The following SLC44A1 variants were observed in gnomAD, a reference collection of about 807,000 sequenced individuals.
SLC44A1 encodes solute carrier family 44 member 1.
SLC44A1 carries 26 observed loss-of-function variants against 79.3 expected under a neutral mutation model. That is an observed-to-expected ratio of 0.33 (90% CI 0.24 to 0.46). The LOEUF (loss-of-function observed/expected upper bound fraction) is 0.46, where lower values mean the gene tolerates loss of function less well. Ranked by LOEUF, SLC44A1 falls within the 20% of genes least tolerant of loss-of-function variation. SLC44A1 has a pLI of 1.00. For missense variants in SLC44A1, 688 were observed against 798.1 expected, an observed-to-expected ratio of 0.86 and a Z score of 1.66; for synonymous variants, 263 against 286.2, an observed-to-expected ratio of 0.92 and a Z score of 0.82.
intron 2 of SLC44A1, among the ~76,000 whole-genome samples, chr9:105,305,961 A>C (rs932343384): frequency 1.2e-4 from 18 of 151,574 alleles, no homozygotes; most frequent in African/African-American, 4.4e-4. Context: ...ATTAATGAGT[A>C]AATTGTCTTT....
At chr9:105,357,390 A>C (rs1300864021) in intron 6 of SLC44A1, 2 of 152,192 alleles carry the variant, frequency 1.3e-5, no homozygotes, top group African/African-American at 4.8e-5. Context: ...TAAAACTTTA[A>C]CCAAAAACTA....
downstream of SLC44A1, among the ~76,000 whole-genome samples, chr9:105,397,523 A>G (rs1828898864): frequency 6.6e-6 from 1 of 152,166 alleles, no homozygotes; most frequent in Admixed American, 6.5e-5. Context: ...TAGCAACTAT[A>G]AATGTACCTA....
chr9:105,335,538 C>T, intron 3 of SLC44A1, 25 bp from the exon 4 acceptor site: 1 of 1,595,118 alleles, frequency 6.3e-7, no homozygotes, highest in Non-Finnish European at 8.6e-7. Flanking sequence ...GAAGTAATAT[C>T]TCAGTTTTTT....
At chr9:105,330,116 C>G (rs1826704164) in intron 3 of SLC44A1, among the ~76,000 whole-genome samples, 1 of 152,152 alleles carries the variant, frequency 6.6e-6, no homozygotes, top group Non-Finnish European at 1.5e-5. Flanking sequence ...TTTTCTTATC[C>G]TATTTAATTC....
chr9:105,252,306 C>T (rs1268958384), intron 1 of SLC44A1, among the ~76,000 whole-genome samples: 1 of 152,136 alleles, frequency 6.6e-6, no homozygotes, highest in Non-Finnish European at 1.5e-5. Context: ...TGTTTATTGC[C>T]ATCTTGGTGC....
intron 1 of SLC44A1, among the ~76,000 whole-genome samples, chr9:105,253,534 C>T (rs534580754): frequency 2.0e-5 from 3 of 152,184 alleles, no homozygotes; most frequent in Admixed American, 1.3e-4. Flanking sequence ...TCTAGACCAT[C>T]CTGGGCAATA....
At chr9:105,328,489 G>A (rs76272512) in intron 3 of SLC44A1, among the ~76,000 whole-genome samples, 2,479 of 152,298 alleles carry the variant, frequency 0.016, 65 homozygotes, top group African/African-American at 0.057. Context: ...CGGTGAGAGT[G>A]TGCCAGGTTG....
chr9:105,402,890 C>T (rs909344360), intron 15 of SLC44A1, among the ~76,000 whole-genome samples: 2 of 151,710 alleles, frequency 1.3e-5, no homozygotes, highest in African/African-American at 4.8e-5. Flanking sequence ...TAGCTCACTG[C>T]AGCCTCAAAC....
At position 105,362,915 on chromosome 9, in the gene SLC44A1, C is replaced by G. The variant is rs905145114; in HGVS notation, c.995C>G (p.Pro332Arg). The change falls in exon 9 of 16, where the codon CCA becomes CGA. Residue 332 changes from proline (P) to arginine (R), a missense_variant. Coordinates refer to ENST00000374720, the MANE Select transcript of SLC44A1 (RefSeq NM_080546.5). The stretch of plus-strand genomic sequence containing the variant: ...GCTGGCAAGGTCTTCATTCACTTGC[C>G]ACTGCTAGTCTTCCAACCCTTCTGG... The part of the protein sequence containing the change: ...HVAGKVFIHL[P>R]LLVFQPFWTF... 1 of 1,613,770 alleles carries G rather than the reference C, an allele frequency of 6.2e-7. No individual in the cohort carries two copies. The highest frequency in any genetic ancestry group is 1.7e-5 in the Admixed American group (1 of 59,984).
At chr9:105,272,552 GA>G (rs34772081) in intron 1 of SLC44A1, among the ~76,000 whole-genome samples, 3,872 of 134,564 alleles carry the variant, frequency 0.029, 53 homozygotes, top group African/African-American at 0.037. Context: ...AAGGCTGAGA[GA>G]AAAAAAAAAA....
chr9:105,348,463 T>C lies in SLC44A1; in HGVS notation c.500+12T>C. ...CCAGTTCCAGCGAGGTAAATTTTAT[T>C]GCAAAGTTGTTAACTTGTGACTGTT... On this transcript the variant is annotated intron_variant, in intron 5 of 15. Coordinates refer to ENST00000374720, the MANE Select transcript of SLC44A1 (RefSeq NM_080546.5). 9 of 1,492,852 alleles carry C rather than the reference T, an allele frequency of 6.0e-6. No individual in the cohort carries two copies. Among genetic ancestry groups the C allele is most frequent in the Non-Finnish European group, 8.4e-6 (9 of 1,069,892 alleles). The allele number at this position is 1,492,852 out of a possible 1,614,324, so 92.5% of individuals were successfully genotyped here. A position where few individuals can be genotyped will look rare whatever the true frequency, so the allele number is the denominator to read the frequency against.
intron 1 of SLC44A1, among the ~76,000 whole-genome samples, chr9:105,278,494 C>T (rs528586558): frequency 5.3e-5 from 8 of 152,252 alleles, no homozygotes; most frequent in South Asian, 2.1e-4. Context: ...GTGATCCACC[C>T]GCCTCGGCCT....
chr9:105,428,531 A>C (rs969506179), intron 15 of SLC44A1, among the ~76,000 whole-genome samples: 4 of 152,208 alleles, frequency 2.6e-5, no homozygotes, highest in Non-Finnish European at 5.9e-5. Flanking sequence ...TGGGCAAGTT[A>C]CTTAGCCCAT....
At position 105,437,186 on chromosome 9, in the gene SLC44A1, C is replaced by A. The variant is rs185303455; in HGVS notation, c.1951-1095C>A. 5.3e-4 allele frequency among the ~76,000 whole-genome samples: 81 copies of A among 152,226 alleles called. No individual in the cohort carries two copies. The Middle Eastern group carries it at 0.014, about 26-fold the overall frequency. On this transcript the variant is annotated intron_variant, in intron 15 of 15. Transcript: ENST00000374724. ...AAGAATAAGAATGGTACATAGAACA[C>A]CATGCTACATATTGTTACACCTCTG...
At chr9:105,340,906 A>G (rs962728700) in intron 4 of SLC44A1, among the ~76,000 whole-genome samples, 1 of 152,208 alleles carries the variant, frequency 6.6e-6, no homozygotes, top group Non-Finnish European at 1.5e-5. Flanking sequence ...TTTCTTGGGC[A>G]CTTAGAGTTT....
intron 15 of SLC44A1, among the ~76,000 whole-genome samples, chr9:105,433,169 G>A (rs1350340694): frequency 2.0e-5 from 3 of 151,958 alleles, no homozygotes; most frequent in Non-Finnish European, 4.4e-5. Flanking sequence ...GGTAGTGTGC[G>A]CCTGTAATCC....
At chr9:105,333,758 T>TGA (rs1368389982) in intron 3 of SLC44A1, among the ~76,000 whole-genome samples, 3 of 151,578 alleles carry the variant, frequency 2.0e-5, no homozygotes, top group Non-Finnish European at 4.4e-5. Context: ...TGCAGTCAGC[T>TGA]GAGACCATGC....
chr9:105,396,147 T>A lies in SLC44A1; in HGVS notation c.*7091T>A, dbSNP rs1828871679. 1 of 985,256 alleles carries A rather than the reference T, an allele frequency of 1.0e-6. No individual in the cohort carries two copies. The highest frequency in any genetic ancestry group is 1.2e-6 in the Non-Finnish European group (1 of 829,934). 61.0% of individuals were successfully genotyped at this position (985,256 alleles called of 1,614,324 possible). The stretch of plus-strand genomic sequence containing the variant: ...CTGTGTTGCCTTAATGCTACTAGAT[T>A]GTGTTGTGTTGTTGGAGTTTTCTGA... On this transcript the variant is annotated 3_prime_UTR_variant, in exon 16 of 16. Transcript: ENST00000374720.
At chr9:105,278,401 A>C (rs913415369) in intron 1 of SLC44A1, among the ~76,000 whole-genome samples, 1 of 152,122 alleles carries the variant, frequency 6.6e-6, no homozygotes, top group Non-Finnish European at 1.5e-5. Flanking sequence ...GGCGCCCGCC[A>C]CCACGCCCGG....
Sources: allele counts gnomAD v4.1 joint callset (sites outside exome capture counted in the v4.1 genomes callset), GRCh38; gene constraint gnomAD v4.1.1; transcripts MANE v1.5; gene names NCBI Gene and HGNC (gene_info 2026-07-23, HGNC 2026-07-21).